Variants in CCNG2 observed in about 807,000 individuals in gnomAD.
CCNG2 encodes cyclin G2.
CCNG2 carries 20 observed loss-of-function variants against 36.5 expected under a neutral mutation model. The observed-to-expected ratio is 0.55, with a 90% CI of 0.39 to 0.80. CCNG2 has a LOEUF of 0.80. CCNG2 is among the 30% of genes least tolerant of loss of function. The probability of loss-of-function intolerance (pLI) is 0.00; values close to 1 mark genes in which losing one functional copy is unlikely to be tolerated. For synonymous variants in CCNG2, 155 were observed against 140.1 expected (o/e 1.11, Z -0.75); for missense variants, 358 against 390.8 (o/e 0.92, Z 0.71).
chr4:77,161,053 T>C (rs1731421193), intron 4 of CCNG2, 82 bp downstream of exon 4: 1 of 1,059,316 alleles, frequency 9.4e-7, no homozygotes, highest in African/African-American at 1.6e-5. Flanking sequence ...ATGAAATTTA[T>C]ATTTTTACCT....
intron 3 of CCNG2, among the ~76,000 whole-genome samples, chr4:77,160,450 C>T (rs1189536178): frequency 6.7e-6 from 1 of 149,676 alleles, no homozygotes; most frequent in African/African-American, 2.5e-5. Flanking sequence ...AAACTCCTGG[C>T]CTCAAGCAGT....
chr4:77,162,376 ATTTTTTTTTTT>A (rs35692387), intron 6 of CCNG2, among the ~76,000 whole-genome samples: 3 of 71,450 alleles, frequency 4.2e-5, no homozygotes, highest in African/African-American at 1.1e-4. Flanking sequence ...GTACTTTGGG[ATTTTTTTTTTT>A]TTTTTTTTTT....
At position 77,159,376 on chromosome 4, in the gene CCNG2, A is replaced by C; in HGVS notation, c.148A>C (p.Thr50Pro). The C allele has an allele frequency of 6.2e-7, 1 of 1,610,580 alleles. No individual in the cohort carries two copies. The highest frequency in any genetic ancestry group is 8.5e-7 in the Non-Finnish European group (1 of 1,178,460). Residue 50 changes from threonine to proline, a missense_variant, in exon 3 of 8, where the codon ACT (threonine) becomes CCT (proline). Thr to Pro is a conservative substitution (Grantham distance 38). Coordinates refer to ENST00000316355, the MANE Select transcript of CCNG2 (RefSeq NM_004354.3). ...LIEATPENDNTLCPGLRNAKV... is the reference protein window; with the variant it reads ...LIEATPENDNPLCPGLRNAKV... ...TTGGTTTTTATTGCAGAATGATAAC[A>C]CTTTGTGTCCAGGATTGAGAAATGC...
At chr4:77,165,448 G>A (rs1282606860) in intron 7 of CCNG2, among the ~76,000 whole-genome samples, 1 of 144,068 alleles carries the variant, frequency 6.9e-6, no homozygotes, top group East Asian at 2.0e-4. Context: ...TTTTTTGCAT[G>A]TGCCACCATG....
At chr4:77,160,680 A>G (rs1312573862) in intron 3 of CCNG2, 41 bp from the exon 4 acceptor site, 6 of 1,595,192 alleles carry the variant, frequency 3.8e-6, no homozygotes, top group East Asian at 2.2e-5. Context: ...TGCTAAGTCA[A>G]AGTGACAGTT....
rs1177322017 is a variant in CCNG2, at chr4:77,164,293, T to G, written c.725T>G (p.Phe242Cys). ...KHSKINDTEF[F>C]YWRELVSKCL... ...TTTCAGATTAATGACACTGAGTTCT[T>G]CTACTGGAGAGAGTTGGTTTCTAAA... is the stretch of plus-strand genomic sequence containing the variant. Residue 242 changes from phenylalanine to cysteine, a missense_variant, in exon 7 of 8, where the codon TTC (phenylalanine) becomes TGC (cysteine). Transcript: ENST00000316355. 2 of 1,613,790 alleles carry G rather than the reference T, an allele frequency of 1.2e-6. No individual in the cohort carries two copies. The highest frequency in any genetic ancestry group is 1.7e-6 in the Non-Finnish European group (2 of 1,179,686).
chr4:77,166,648 G>C lies in CCNG2; in HGVS notation c.*724G>C, dbSNP rs1273267633. 6.6e-6 allele frequency: 1 copy of C among 152,124 alleles called. No individual in the cohort carries two copies. The highest frequency in any genetic ancestry group is 1.5e-5 in the Non-Finnish European group (1 of 68,018). The allele number at this position is 152,124 out of a possible 1,614,324, so 9.4% of individuals were successfully genotyped here. ...TACTTTAAAAATCCATAATCTGCTAGTTTTGCATGTACTTATATGAAAACA... is the reference window on the plus strand; with the variant it reads ...TACTTTAAAAATCCATAATCTGCTACTTTTGCATGTACTTATATGAAAACA... On this transcript the variant is annotated 3_prime_UTR_variant, in exon 8 of 8. Transcript: ENST00000316355.
chr4:77,161,555 A>G lies in CCNG2; in HGVS notation c.603A>G (p.Ala201=). The change falls in exon 5 of 8, where the codon GCA becomes GCG. Residue 201 remains alanine (A), a synonymous_variant. Coordinates refer to ENST00000316355, the MANE Select transcript of CCNG2 (RefSeq NM_004354.3). Reference sequence around the variant, plus strand: ...ACTGCCGACTCATCTTTTCAAAAGCAAAAGTAAGTCGATTCCTTGCTTATG... The same window carrying G: ...ACTGCCGACTCATCTTTTCAAAAGCGAAAGTAAGTCGATTCCTTGCTTATG... ...ACNCRLIFSK[A]KPSVLALCLL... is the part of the protein sequence containing the mutation. 1 of 1,608,534 alleles carries G rather than the reference A, an allele frequency of 6.2e-7. No individual in the cohort carries two copies. The highest frequency in any genetic ancestry group is 8.5e-7 in the Non-Finnish European group (1 of 1,177,796).
At chr4:77,165,386 G>A (rs979818469) in intron 7 of CCNG2, among the ~76,000 whole-genome samples, 2 of 151,610 alleles carry the variant, frequency 1.3e-5, no homozygotes, top group Non-Finnish European at 2.9e-5. Flanking sequence ...TTGGCAAATA[G>A]TAACTTGTTT....
chr4:77,158,296 C>G (rs1347421217), intron 1 of CCNG2: 7 of 522,422 alleles, frequency 1.3e-5, no homozygotes, highest in Non-Finnish European at 2.4e-5. Context: ...CAGGGCTGGC[C>G]GGTCTTACCC....
At position 77,158,600 on chromosome 4, in the gene CCNG2, T is replaced by C. The variant is rs761644165; in HGVS notation, c.68T>C (p.Val23Ala). 8 of 1,614,106 alleles carry C rather than the reference T, an allele frequency of 5.0e-6. No homozygotes were observed. Among genetic ancestry groups the C allele is most frequent in the Non-Finnish European group, 6.8e-6 (8 of 1,180,004 alleles). Residue 23 changes from valine (V) to alanine (A), a missense_variant, in exon 2 of 8, where the codon GTC becomes GCC. By Grantham distance (64) the Val-to-Ala change is moderately conservative (BLOSUM62 0). Transcript: ENST00000316355. ...GTCCAACTTCTCGGGTTGTTGAACG[T>C]CTACCTGGAACAAGAAGAGAGATTC... is the stretch of plus-strand genomic sequence containing the variant. Reference protein sequence around the residue: ...EGVQLLGLLNVYLEQEERFQP... With the variant: ...EGVQLLGLLNAYLEQEERFQP...
rs781460793 is a variant in CCNG2 at position 77,161,546 on chromosome 4, T to C, written c.594T>C (p.Phe198=). The C allele has an allele frequency of 6.2e-7, 1 of 1,610,320 alleles. No homozygotes were observed. Among genetic ancestry groups the C allele is most frequent in the Non-Finnish European group, 8.5e-7 (1 of 1,178,656 alleles). ...AAGCTTGCAACTGCCGACTCATCTTTTCAAAAGCAAAAGTAAGTCGATTCC... is the reference window on the plus strand; with the variant it reads ...AAGCTTGCAACTGCCGACTCATCTTCTCAAAAGCAAAAGTAAGTCGATTCC... ...QLKACNCRLI[F]SKAKPSVLAL... Residue 198 remains phenylalanine (F), a synonymous_variant, in exon 5 of 8, where the codon TTT becomes TTC. Transcript: ENST00000316355.
chr4:77,163,011 T>G (rs1731528323), intron 6 of CCNG2, among the ~76,000 whole-genome samples: 1 of 152,038 alleles, frequency 6.6e-6, no homozygotes, highest in African/African-American at 2.4e-5. Context: ...GCAGGAAATT[T>G]GGGAGAAGTT....
chr4:77,167,259 G>T lies in CCNG2; in HGVS notation c.*1335G>T, dbSNP rs1731654071. On this transcript the variant is annotated 3_prime_UTR_variant, in exon 8 of 8. Transcript: ENST00000316355. ...TTTTAATCTGTTAAAAGTTCTTGAT[G>T]TATTTTAATGAGAAGACTTTAGGTG... The T allele has an allele frequency of 6.6e-6, 1 of 152,194 alleles. No homozygotes were observed. The highest frequency in any genetic ancestry group is 6.5e-5 in the Admixed American group (1 of 15,284). 9.4% of individuals were successfully genotyped at this position (152,194 alleles called of 1,614,324 possible).
chr4:77,160,291 A>G (rs1282261693), intron 3 of CCNG2, among the ~76,000 whole-genome samples: 1 of 151,054 alleles, frequency 6.6e-6, no homozygotes. Context: ...CTAGGAATCT[A>G]GCTTTTGAAC....
At chr4:77,162,156 T>G (rs1731455937) in intron 6 of CCNG2, among the ~76,000 whole-genome samples, 1 of 152,182 alleles carries the variant, frequency 6.6e-6, no homozygotes, top group African/African-American at 2.4e-5. Context: ...ACACCAGCAA[T>G]GTTGATGTTT....
chr4:77,161,043 A>G (rs542519357), intron 4 of CCNG2, 72 bp downstream of exon 4: 36 of 1,122,488 alleles, frequency 3.2e-5, no homozygotes, highest in South Asian at 3.1e-4. Context: ...TGGAATGGCA[A>G]TGAAATTTAT....
chr4:77,158,263 C>A, intron 1 of CCNG2: 1 of 449,444 alleles, frequency 2.2e-6, no homozygotes, highest in South Asian at 3.1e-5. Flanking sequence ...GGACAGTTTC[C>A]TGTTTGTGAA....
In CCNG2 at chr4:77,169,095, ATAC is replaced by A. The variant is rs1382890252; in HGVS notation, c.*3173_*3175del. 1 of 152,238 alleles carries A rather than the reference ATAC, an allele frequency of 6.6e-6. No individual in the cohort carries two copies. Among genetic ancestry groups the A allele is most frequent in the Non-Finnish European group, 1.5e-5 (1 of 68,052 alleles). 9.4% of individuals were successfully genotyped at this position (152,238 alleles called of 1,614,324 possible). On this transcript the variant is annotated 3_prime_UTR_variant, in exon 8 of 8. Coordinates refer to ENST00000316355, the MANE Select transcript of CCNG2 (RefSeq NM_004354.3). ...TACCTGTCACACTCAGGATTAATAC[ATAC>A]TCAGGTTAACTGTAGAGAGGCATTG...
Sources: allele counts gnomAD v4.1 joint callset (sites outside exome capture counted in the v4.1 genomes callset), GRCh38; gene constraint gnomAD v4.1.1; transcripts MANE v1.5; gene names NCBI Gene and HGNC (gene_info 2026-07-23, HGNC 2026-07-21).